The following TC2N variants were observed in gnomAD, a reference collection of about 807,000 sequenced individuals.
TC2N encodes the protein tandem C2 domains nuclear protein.
In TC2N, 51 loss-of-function variants were observed where a neutral mutation model predicts 61.9. The ratio of observed to expected loss-of-function variants is 0.82; its 90% CI spans 0.66 to 1.04. The LOEUF is 1.04. Ranked by LOEUF, TC2N falls within the 50% of genes least tolerant of loss-of-function variation. The probability of loss-of-function intolerance (pLI) is 0.00; values close to 1 mark genes in which losing one functional copy is unlikely to be tolerated. For synonymous variants in TC2N, 204 were observed against 192.6 expected, an observed-to-expected ratio of 1.06 and a Z score of -0.49; for missense variants, 556 against 566.7, an observed-to-expected ratio of 0.98 and a Z score of 0.19.
At position 91,787,527 on chromosome 14, in the gene TC2N, G is replaced by A. The variant is rs1001095772; in HGVS notation, c.1148C>T (p.Thr383Ile). Residue 383 changes from threonine (T) to isoleucine (I), a missense_variant, in exon 10 of 12, where the codon ACA (threonine) becomes ATA (isoleucine). Thr to Ile is a moderately conservative substitution (Grantham distance 89, BLOSUM62 -1). Coordinates refer to ENST00000435962, the MANE Select transcript of TC2N (RefSeq NM_001128596.3). Reference sequence around the variant, plus strand: ...GATATACTTACTCAAAGTCAGAGGTGTTGATGAGCTTGGAAGGTACCGTGC... The same window carrying A: ...GATATACTTACTCAAAGTCAGAGGTATTGATGAGCTTGGAAGGTACCGTGC... ...LEARYLPSSS[T>I]PLTLSFFVKV... 1.9e-5 allele frequency: 31 copies of A among 1,607,878 alleles called. No individual in the cohort carries two copies. The highest frequency in any genetic ancestry group is 2.5e-5 in the Non-Finnish European group (29 of 1,176,530).
At chr14:91,849,687 TATGATTTG>T (rs1888335380) in intron 1 of TC2N, among the ~76,000 whole-genome samples, 1 of 152,258 alleles carries the variant, frequency 6.6e-6, no homozygotes, top group Admixed American at 6.5e-5. Flanking sequence ...TTTATTCGAC[TATGATTTG>T]CATAAATGTT....
intron 10 of TC2N, among the ~76,000 whole-genome samples, chr14:91,786,952 G>C (rs1885394553): frequency 6.6e-6 from 1 of 151,836 alleles, no homozygotes; most frequent in African/African-American, 2.4e-5. Context: ...TTTATTTTTA[G>C]TCTTTCTAGT....
chr14:91,804,598 C>T (rs1595238414), intron 3 of TC2N, among the ~76,000 whole-genome samples: 1 of 152,186 alleles, frequency 6.6e-6, no homozygotes, highest in African/African-American at 2.4e-5. Flanking sequence ...ACTAAAACTA[C>T]TGACAATTAC....
At chr14:91,800,515 T>G in intron 4 of TC2N, 143 bp from the exon 5 acceptor site, 1 of 438,836 alleles carries the variant, frequency 2.3e-6, no homozygotes, top group Admixed American at 4.4e-5. Flanking sequence ...AATAAAAATT[T>G]TTTAAACTTA....
At chr14:91,825,280 C>T (rs1001056756) in intron 1 of TC2N, among the ~76,000 whole-genome samples, 3 of 151,988 alleles carry the variant, frequency 2.0e-5, no homozygotes, top group Admixed American at 1.3e-4. Context: ...GATCCACCCG[C>T]GTCGGCCTCC....
chr14:91,837,122 C>T lies in TC2N; in HGVS notation c.-56-23297G>A, dbSNP rs890535572. Among the ~76,000 whole-genome samples, 2 of 152,196 alleles carry T rather than the reference C, an allele frequency of 1.3e-5. No individual in the cohort carries two copies. Among genetic ancestry groups the T allele is most frequent in the Non-Finnish European group, 2.9e-5 (2 of 68,026 alleles). ...GGGATCCCCTCTAACCCTGGTAAAG[C>T]GGGGGGCCTGGCCCTTTTCTCTGGG... On this transcript the variant is annotated intron_variant, in intron 1 of 11. Coordinates refer to ENST00000435962, the MANE Select transcript of TC2N (RefSeq NM_001128596.3). The surrounding 1 kb of genome is among the most constrained non-coding windows in gnomAD (Gnocchi z 4.2).
At chr14:91,795,847 G>A (rs968046006) in intron 8 of TC2N, among the ~76,000 whole-genome samples, 8 of 151,932 alleles carry the variant, frequency 5.3e-5, no homozygotes, top group African/African-American at 1.9e-4. Flanking sequence ...GTCTTTCTGA[G>A]GGTCTCACAA....
At position 91,802,385 on chromosome 14, in the gene TC2N, T is replaced by G. The variant is rs1462448031; in HGVS notation, c.338A>C (p.Glu113Ala). 2 of 1,612,774 alleles carry G rather than the reference T, an allele frequency of 1.2e-6. No individual in the cohort carries two copies. The highest frequency in any genetic ancestry group is 1.7e-6 in the Non-Finnish European group (2 of 1,179,580). ...TCCGTGCTGGGATGAACTGGAAAGT[T>G]CTACCTTTCGATCTCCAAAAGATGC... ...ARASFGDRKV[E>A]LSSSSQHGPS... The change falls in exon 4 of 12, where the codon GAA (glutamate) becomes GCA (alanine). Residue 113 changes from glutamate (E) to alanine (A), a missense_variant. Physicochemically the swap from Glu to Ala is moderately radical, Grantham distance 107. Transcript: ENST00000435962.
intron 1 of TC2N, among the ~76,000 whole-genome samples, chr14:91,822,246 C>T (rs1440091416): frequency 2.6e-5 from 4 of 152,158 alleles, no homozygotes; most frequent in Non-Finnish European, 4.4e-5. Flanking sequence ...TGAAAACTAT[C>T]AAGTATCTAT....
At chr14:91,799,460 T>C (rs2139841641) in intron 5 of TC2N, among the ~76,000 whole-genome samples, 1 of 152,176 alleles carries the variant, frequency 6.6e-6, no homozygotes, top group Admixed American at 6.5e-5. Flanking sequence ...AACAGTATCA[T>C]TTGGAACTTG....
At chr14:91,858,941 G>C (rs1033230706) in intron 1 of TC2N, among the ~76,000 whole-genome samples, 1 of 152,126 alleles carries the variant, frequency 6.6e-6, no homozygotes, top group African/African-American at 2.4e-5. Flanking sequence ...ACAACAAGAG[G>C]GAAGCCCAGC....
chr14:91,796,671 C>A (rs556556357), intron 8 of TC2N, among the ~76,000 whole-genome samples: 10 of 152,054 alleles, frequency 6.6e-5, no homozygotes, highest in African/African-American at 1.7e-4. Flanking sequence ...ATCTACAAGC[C>A]AGGGAATGTC....
At chr14:91,851,347 G>C (rs549639133) in intron 1 of TC2N, among the ~76,000 whole-genome samples, 1 of 152,324 alleles carries the variant, frequency 6.6e-6, no homozygotes, top group East Asian at 1.9e-4. Flanking sequence ...TCAGTGTCAT[G>C]AACAGAGCTT....
chr14:91,851,418 G>T (rs1888372518), intron 1 of TC2N, among the ~76,000 whole-genome samples: 1 of 152,136 alleles, frequency 6.6e-6, no homozygotes, highest in Non-Finnish European at 1.5e-5. Flanking sequence ...ACCTTTCTTT[G>T]GTTGTTCTCC....
chr14:91,842,523 G>T (rs1162258222), intron 1 of TC2N, among the ~76,000 whole-genome samples: 1 of 152,114 alleles, frequency 6.6e-6, no homozygotes, highest in Non-Finnish European at 1.5e-5. Flanking sequence ...AAGGAAGTTT[G>T]GTCAGGCTCA....
chr14:91,829,056 A>T (rs56022617), intron 1 of TC2N, among the ~76,000 whole-genome samples: 3,631 of 152,128 alleles, frequency 0.024, 150 homozygotes, highest in African/African-American at 0.084. Flanking sequence ...TCTTTTAAAA[A>T]AAAAAAAAAA....
chr14:91,823,187 G>A (rs1887334460), intron 1 of TC2N, among the ~76,000 whole-genome samples: 1 of 151,844 alleles, frequency 6.6e-6, no homozygotes, highest in African/African-American at 2.4e-5. Flanking sequence ...AACAGAAAAA[G>A]AGGCCTCAAA....
chr14:91,829,811 T>C (rs958872767), intron 1 of TC2N, among the ~76,000 whole-genome samples: 1 of 152,192 alleles, frequency 6.6e-6, no homozygotes, highest in Non-Finnish European at 1.5e-5. Flanking sequence ...AAAATGAAAG[T>C]ATACTCCAGA....
chr14:91,852,757 A>C (rs1888399828), intron 1 of TC2N, among the ~76,000 whole-genome samples: 1 of 152,156 alleles, frequency 6.6e-6, no homozygotes, highest in Admixed American at 6.6e-5. Flanking sequence ...AGAGAAGGGT[A>C]GGAAGAGAGG....
Sources: allele counts gnomAD v4.1 joint callset (sites outside exome capture counted in the v4.1 genomes callset), GRCh38; gene constraint gnomAD v4.1.1; non-coding constraint Gnocchi (gnomAD v3.1); transcripts MANE v1.5; gene names NCBI Gene and HGNC (gene_info 2026-07-23, HGNC 2026-07-21).